CTNNA3: variants seen among roughly 807,000 people sequenced by gnomAD.
CTNNA3 encodes the protein catenin alpha 3, also known as catenin alpha-3.
CTNNA3 carries 76 observed loss-of-function variants against 95.7 expected under a neutral mutation model. That is an observed-to-expected ratio of 0.79 (90% CI 0.66 to 0.96). The LOEUF (loss-of-function observed/expected upper bound fraction) is 0.96, where lower values mean the gene tolerates loss of function less well. Ranked by LOEUF, CTNNA3 falls within the 40% of genes least tolerant of loss-of-function variation. The pLI, the probability that CTNNA3 is intolerant of heterozygous loss-of-function variation, is 0.00. For synonymous variants in CTNNA3, 431 were observed against 374.4 expected, an observed-to-expected ratio of 1.15 and a Z score of -1.74; for missense variants, 1,191 against 1,089.8, an observed-to-expected ratio of 1.09 and a Z score of -1.31.
chr10:67,539,633 T>C lies in CTNNA3; in HGVS notation c.329A>G (p.Asp110Gly). 6.2e-7 allele frequency: 1 copy of C among 1,613,726 alleles called. No homozygotes were observed. The highest frequency in any genetic ancestry group is 2.2e-5 in the East Asian group (1 of 44,876). The change falls in exon 4 of 18, where the codon GAT becomes GGT. Residue 110 changes from aspartate to glycine, a missense_variant. Coordinates refer to ENST00000433211, the MANE Select transcript of CTNNA3 (RefSeq NM_013266.4). ...ALKVSAERFT[D>G]DPCFLPKREA... ...CCTTTTTGGGAGAAAACAGGGGTCA[T>C]CTGTAAATCTCTCAGCTGATACTTT...
intron 7 of CTNNA3, among the ~76,000 whole-genome samples, chr10:66,821,284 A>C (rs760100681): frequency 2.0e-5 from 3 of 152,184 alleles, no homozygotes; most frequent in Non-Finnish European, 2.9e-5. Flanking sequence ...AAGCCCATAC[A>C]AGGTATGGTA....
chr10:67,717,339 A>T (rs1300043844), intron 1 of CTNNA3, among the ~76,000 whole-genome samples: 2 of 152,052 alleles, frequency 1.3e-5, no homozygotes, highest in East Asian at 3.8e-4. Context: ...TCATTTGTCT[A>T]TTTTGGCTTC....
intron 7 of CTNNA3, among the ~76,000 whole-genome samples, chr10:66,870,454 A>C (rs1220747376): frequency 6.6e-6 from 1 of 152,224 alleles, no homozygotes; most frequent in Non-Finnish European, 1.5e-5. Flanking sequence ...CTATGAGAAA[A>C]ACAAATAAAG....
At chr10:66,419,002 C>A (rs1266520898) in intron 11 of CTNNA3, among the ~76,000 whole-genome samples, 1 of 152,012 alleles carries the variant, frequency 6.6e-6, no homozygotes, top group Non-Finnish European at 1.5e-5. Flanking sequence ...TCCTAATCAA[C>A]AAAGCACTGA....
chr10:67,448,460 G>A (rs1008102931), intron 5 of CTNNA3, among the ~76,000 whole-genome samples: 4 of 151,812 alleles, frequency 2.6e-5, no homozygotes, highest in Admixed American at 6.6e-5. Flanking sequence ...AAAGTGCTAC[G>A]GATATAAAAG....
chr10:67,729,582 G>A (rs906135806), intron 1 of CTNNA3, among the ~76,000 whole-genome samples: 1 of 152,098 alleles, frequency 6.6e-6, no homozygotes, highest in Non-Finnish European at 1.5e-5. Flanking sequence ...GATAAGAAAA[G>A]TATAAACTAT....
chr10:67,005,355 A>T (rs1445084903), intron 7 of CTNNA3, among the ~76,000 whole-genome samples: 2 of 152,278 alleles, frequency 1.3e-5, no homozygotes, highest in East Asian at 3.9e-4. Flanking sequence ...AATACACTTT[A>T]TCTAAATCAC....
intron 7 of CTNNA3, among the ~76,000 whole-genome samples, chr10:66,815,571 T>C (rs972272940): frequency 6.6e-6 from 1 of 152,206 alleles, no homozygotes; most frequent in Non-Finnish European, 1.5e-5. Flanking sequence ...TTATTTGACA[T>C]GATTTGAAAT....
intron 6 of CTNNA3, among the ~76,000 whole-genome samples, chr10:67,191,766 A>G (rs1863130142): frequency 6.6e-6 from 1 of 152,018 alleles, no homozygotes. Context: ...ATTCATATAA[A>G]ACCACAAAAG....
Position 66,519,123 on chromosome 10 carries a change from G to A in CTNNA3, c.1531+1494C>T, listed in dbSNP as rs189726414. 1.0e-2 allele frequency among the ~76,000 whole-genome samples: 1,519 copies of A among 152,130 alleles called. 28 individuals carry two copies. The highest frequency in any genetic ancestry group is 0.035 in the African/African-American group (1,443 of 41,508). ...CCTTCTCTTACAAAAAAGGAAAAATGTATATATAATTTATTTTAGACAGAG... is the reference window on the plus strand; with the variant it reads ...CCTTCTCTTACAAAAAAGGAAAAATATATATATAATTTATTTTAGACAGAG... On this transcript the variant is annotated intron_variant, in intron 11 of 17. Transcript: ENST00000433211.
intron 12 of CTNNA3, among the ~76,000 whole-genome samples, chr10:66,288,542 A>T (rs898967152): frequency 1.3e-5 from 2 of 152,142 alleles, no homozygotes; most frequent in Admixed American, 1.3e-4. Flanking sequence ...CACCAGATAT[A>T]CGCTGCTATT....
intron 7 of CTNNA3, among the ~76,000 whole-genome samples, chr10:67,114,075 C>T (rs1436792894): frequency 1.6e-5 from 2 of 122,502 alleles, no homozygotes; most frequent in Non-Finnish European, 3.6e-5. Flanking sequence ...AGGGGGAGAA[C>T]TCAAAAAAAA....
intron 3 of CTNNA3, among the ~76,000 whole-genome samples, chr10:67,570,285 T>C (rs975693645): frequency 6.6e-6 from 1 of 152,054 alleles, no homozygotes. Context: ...TCTCTTTTTT[T>C]AGTGTTAGTC....
At chr10:67,393,404 G>A (rs1376036537) in intron 5 of CTNNA3, among the ~76,000 whole-genome samples, 1 of 152,148 alleles carries the variant, frequency 6.6e-6, no homozygotes, top group Non-Finnish European at 1.5e-5. Context: ...CATTTATGAT[G>A]TCAGCCATAT....
chr10:67,310,546 A>G (rs1452064614), intron 5 of CTNNA3, among the ~76,000 whole-genome samples: 2 of 152,204 alleles, frequency 1.3e-5, no homozygotes, highest in Non-Finnish European at 2.9e-5. Flanking sequence ...TGCTGCTATA[A>G]GGACATACCT....
chr10:66,285,517 T>C (rs574076547), intron 12 of CTNNA3, among the ~76,000 whole-genome samples: 1 of 151,996 alleles, frequency 6.6e-6, no homozygotes, highest in Admixed American at 6.6e-5. Flanking sequence ...AGCTCTTTCA[T>C]GCTTTTCCTC....
intron 12 of CTNNA3, among the ~76,000 whole-genome samples, chr10:66,318,788 G>C (rs2132281630): frequency 6.6e-6 from 1 of 152,152 alleles, no homozygotes; most frequent in South Asian, 2.1e-4. Flanking sequence ...TCTGTCCCTA[G>C]ATATTTGGTA....
intron 11 of CTNNA3, among the ~76,000 whole-genome samples, chr10:66,466,651 T>A (rs1167690146): frequency 2.0e-5 from 3 of 152,026 alleles, no homozygotes; most frequent in Non-Finnish European, 4.4e-5. Context: ...ACTCTTTCAT[T>A]TCACTGAGGT....
intron 9 of CTNNA3, among the ~76,000 whole-genome samples, chr10:66,657,046 T>C (rs541653322): frequency 6.9e-4 from 105 of 152,214 alleles, no homozygotes; most frequent in Non-Finnish European, 1.4e-3. Flanking sequence ...GAGGTCAGTG[T>C]TTCTGATGCA....
Sources: allele counts gnomAD v4.1 joint callset (sites outside exome capture counted in the v4.1 genomes callset), GRCh38; gene constraint gnomAD v4.1.1; transcripts MANE v1.5; gene names NCBI Gene and HGNC (gene_info 2026-07-23, HGNC 2026-07-21).